The following GALNT16 variants were observed in gnomAD, a reference collection of about 807,000 sequenced individuals.
The protein encoded by GALNT16 is UDP-GalNAc:polypeptide N-acetylgalactosaminyltransferase-like protein 1.
Under a neutral mutation model 76.1 loss-of-function variants are expected in GALNT16, and 40 were observed. The ratio of observed to expected loss-of-function variants is 0.53; its 90% CI spans 0.41 to 0.68. The LOEUF (loss-of-function observed/expected upper bound fraction) is 0.68. GALNT16 is among the 30% of genes least tolerant of loss of function. The pLI, the probability that GALNT16 is intolerant of heterozygous loss-of-function variation, is 0.00. For synonymous variants in GALNT16, 276 were observed against 285.2 expected (o/e 0.97, Z 0.32); for missense variants, 621 against 731.9 (o/e 0.85, Z 1.75).
chr14:69,292,007 G>T (rs951209677), intron 1 of GALNT16, among the ~76,000 whole-genome samples: 19 of 152,312 alleles, frequency 1.2e-4, no homozygotes, highest in Admixed American at 6.5e-4. Flanking sequence ...AGGCCTGATG[G>T]CATCCTGGGT....
intron 2 of GALNT16, among the ~76,000 whole-genome samples, chr14:69,322,959 TGTGTGTGTGTGTGTGTGTGTGTGC>T (rs2045215241): frequency 1.4e-5 from 1 of 72,092 alleles, no homozygotes; most frequent in African/African-American, 1.1e-4. Flanking sequence ...TGTGTGTGTG[TGTGTGTGTGTGTGTGTGTGTGTGC>T]GCGCGCACGC....
chr14:69,317,043 C>CTTGACATAAGAAT (rs374047466), intron 1 of GALNT16, among the ~76,000 whole-genome samples: 16 of 152,208 alleles, frequency 1.1e-4, no homozygotes, highest in African/African-American at 3.6e-4. Flanking sequence ...TGTGCCCCTG[C>CTTGACATAAGAAT]TTGACATAAG....
At chr14:69,286,851 G>A (rs1166588960) in intron 1 of GALNT16, among the ~76,000 whole-genome samples, 1 of 152,068 alleles carries the variant, frequency 6.6e-6, no homozygotes, top group African/African-American at 2.4e-5. Context: ...TTCTCAGAAT[G>A]TTTGAAAAAT....
chr14:69,336,619 T>TCC (rs1176928449), intron 9 of GALNT16, among the ~76,000 whole-genome samples: 3 of 152,212 alleles, frequency 2.0e-5, no homozygotes, highest in Non-Finnish European at 4.4e-5. Flanking sequence ...CCCACCACCA[T>TCC]CCACTGGCCC....
chr14:69,367,363 C>T, the GALNT16 span, among the ~76,000 whole-genome samples: 1 of 151,866 alleles, frequency 6.6e-6, no homozygotes, highest in Non-Finnish European at 1.5e-5. Context: ...TGGCAGCCCT[C>T]ATGAATGGGA....
chr14:69,342,584 T>G (rs906382441), intron 12 of GALNT16, among the ~76,000 whole-genome samples: 3 of 151,908 alleles, frequency 2.0e-5, no homozygotes, highest in Admixed American at 2.0e-4. Context: ...AGTGAATCAC[T>G]ATACATAGAT....
At position 69,270,698 on chromosome 14, in the gene GALNT16, C is replaced by T. The variant is rs560579469; in HGVS notation, c.177+10231C>T. Among the ~76,000 whole-genome samples, 4 of 152,360 alleles carry T rather than the reference C, an allele frequency of 2.6e-5. No homozygotes were observed. In the East Asian group the frequency reaches 7.7e-4, roughly 29 times the overall value. ...GGGGCTTCACTTCTGACGCCTCACACATCTGTGACCTGATTATTTCCTTGG... is the reference window on the plus strand; with the variant it reads ...GGGGCTTCACTTCTGACGCCTCACATATCTGTGACCTGATTATTTCCTTGG... On this transcript the variant is annotated intron_variant, in intron 1 of 14. Transcript: ENST00000448469.
chr14:69,268,243 T>G (rs887602534), intron 1 of GALNT16, among the ~76,000 whole-genome samples: 1 of 152,198 alleles, frequency 6.6e-6, no homozygotes, highest in Admixed American at 6.5e-5. Context: ...AGAGCATAAA[T>G]AGCCACAACA....
chr14:69,290,760 G>A (rs1313835360), intron 1 of GALNT16, among the ~76,000 whole-genome samples: 1 of 152,146 alleles, frequency 6.6e-6, no homozygotes, highest in East Asian at 1.9e-4. Context: ...ACCAGCCCTC[G>A]AAAATGAGTG....
At chr14:69,349,553 T>A (rs2045607732) in intron 14 of GALNT16, 1 of 152,270 alleles carries the variant, frequency 6.6e-6, no homozygotes, top group African/African-American at 2.4e-5. Flanking sequence ...CTTGGTCCCC[T>A]GCTGGTCCTA....
At chr14:69,322,611 G>A (rs2045204861) in intron 2 of GALNT16, among the ~76,000 whole-genome samples, 1 of 152,184 alleles carries the variant, frequency 6.6e-6, no homozygotes, top group East Asian at 1.9e-4. Flanking sequence ...GCTGAGGTGG[G>A]CCAGGCACGG....
At chr14:69,330,425 C>G (rs1411997236) in intron 6 of GALNT16, among the ~76,000 whole-genome samples, 1 of 152,140 alleles carries the variant, frequency 6.6e-6, no homozygotes, top group Non-Finnish European at 1.5e-5. Context: ...GTGAAATGTT[C>G]TGGAACAAGA....
intron 2 of GALNT16, among the ~76,000 whole-genome samples, chr14:69,321,538 T>G (rs1212237336): frequency 6.6e-6 from 1 of 152,104 alleles, no homozygotes; most frequent in African/African-American, 2.4e-5. Flanking sequence ...ACAGTCTGAG[T>G]TCCTGATGCT....
At chr14:69,284,259 A>T (rs2044580764) in intron 1 of GALNT16, among the ~76,000 whole-genome samples, 1 of 152,110 alleles carries the variant, frequency 6.6e-6, no homozygotes, top group Non-Finnish European at 1.5e-5. Context: ...CCATCCTGCT[A>T]CCCTCCAGAC....
At chr14:69,329,759 G>C (rs191094723) in intron 6 of GALNT16, among the ~76,000 whole-genome samples, 3 of 152,064 alleles carry the variant, frequency 2.0e-5, no homozygotes, top group South Asian at 4.2e-4. Flanking sequence ...TGGCGAGAGT[G>C]GGGGCAAGAG....
At chr14:69,359,802 C>T (rs1420420072), downstream of GALNT16, among the ~76,000 whole-genome samples, 1 of 151,388 alleles carries the variant, frequency 6.6e-6, no homozygotes, top group Admixed American at 6.6e-5. Context: ...CCGCGGTGGG[C>T]AATCACAAGG....
rs764946175 is a variant in GALNT16 at position 69,320,880 on chromosome 14, A to G, written c.335+12A>G. ...ACCCGCCATTACAGGTACGGCCTCC[A>G]TCGTGTCAGTGGAGGAAGAAAGACT... is the stretch of plus-strand genomic sequence containing the variant. On this transcript the variant is annotated intron_variant, in intron 2 of 14. Coordinates refer to ENST00000448469, the MANE Select transcript of GALNT16 (RefSeq NM_001168368.2). 1.2e-6 allele frequency: 2 copies of G among 1,611,128 alleles called. No individual in the cohort carries two copies. The highest frequency in any genetic ancestry group is 1.3e-5 in the African/African-American group (1 of 74,848).
chr14:69,367,651 A>G, the GALNT16 span, among the ~76,000 whole-genome samples: 35 of 151,596 alleles, frequency 2.3e-4, no homozygotes, highest in Non-Finnish European at 3.4e-4. Flanking sequence ...AGGCAAAAAA[A>G]AAAAAAAAGA....
intron 1 of GALNT16, among the ~76,000 whole-genome samples, chr14:69,315,810 A>T (rs956134): frequency 0.19 from 28,455 of 149,280 alleles, 3,222 homozygotes; most frequent in East Asian, 0.44. Context: ...ATCAGTTTTT[A>T]AAAAAAAAAA....
Sources: allele counts gnomAD v4.1 joint callset (sites outside exome capture counted in the v4.1 genomes callset), GRCh38; gene constraint gnomAD v4.1.1; transcripts MANE v1.5; gene names NCBI Gene and HGNC (gene_info 2026-07-23, HGNC 2026-07-21).